Variants in CEP85L observed in about 807,000 individuals in gnomAD.
CEP85L encodes the protein centrosomal protein 85L.
CEP85L carries 60 observed loss-of-function variants against 100.3 expected under a neutral mutation model. The observed-to-expected ratio is 0.60, with a 90% CI of 0.49 to 0.74. The LOEUF (loss-of-function observed/expected upper bound fraction) is 0.74, where lower values mean the gene tolerates loss of function less well. Among genes scored for constraint, CEP85L ranks in the 30% least tolerant of loss-of-function variants. The pLI is 0.00. For missense variants in CEP85L, 973 were observed against 936.2 expected, an observed-to-expected ratio of 1.04 and a Z score of -0.51; for synonymous variants, 319 against 322.7, an observed-to-expected ratio of 0.99 and a Z score of 0.12.
In CEP85L at chr6:118,609,162, G is replaced by A. The variant is rs150394460; in HGVS notation, c.232+23291C>T. ...GATCAGTTTATTTAAAAGCCTGTGT[G>A]TATGTGACTAAATGAACAGCAAAAG... On this transcript the variant is annotated intron_variant, in intron 2 of 12. Transcript: ENST00000368491. Among the ~76,000 whole-genome samples, 510 of 152,262 alleles carry A rather than the reference G, an allele frequency of 3.3e-3. 4 individuals carry two copies. Among genetic ancestry groups the A allele is most frequent in the African/African-American group, 0.012 (493 of 41,556 alleles).
At chr6:118,597,527 T>C (rs1167448086) in intron 2 of CEP85L, among the ~76,000 whole-genome samples, 2 of 152,166 alleles carry the variant, frequency 1.3e-5, no homozygotes, top group Non-Finnish European at 2.9e-5. Flanking sequence ...AAAATCATAC[T>C]CTCCCATCTC....
At chr6:118,493,162 T>C (rs1158683371) in intron 5 of CEP85L, among the ~76,000 whole-genome samples, 1 of 152,134 alleles carries the variant, frequency 6.6e-6, no homozygotes, top group Non-Finnish European at 1.5e-5. Flanking sequence ...TTGAGACAGA[T>C]TTTGAAAAAC....
chr6:118,522,286 G>C (rs528647167), intron 4 of CEP85L, among the ~76,000 whole-genome samples: 1 of 152,286 alleles, frequency 6.6e-6, no homozygotes, highest in Admixed American at 6.5e-5. Context: ...CTTGAACCCA[G>C]AAGGTGGAGG....
intron 4 of CEP85L, among the ~76,000 whole-genome samples, chr6:118,521,132 C>A (rs1457545991): frequency 2.0e-5 from 3 of 152,256 alleles, no homozygotes; most frequent in Admixed American, 6.5e-5. Context: ...CACCATATCC[C>A]AAACTAAAAA....
intron 2 of CEP85L, among the ~76,000 whole-genome samples, chr6:118,578,245 C>A (rs911122519): frequency 1.3e-5 from 2 of 152,146 alleles, no homozygotes; most frequent in African/African-American, 4.8e-5. Context: ...TCCAAACACC[C>A]CTTAAACTTA....
intron 1 of CEP85L, among the ~76,000 whole-genome samples, chr6:118,703,873 T>C (rs1777509193): frequency 6.6e-6 from 1 of 152,246 alleles, no homozygotes; most frequent in Non-Finnish European, 1.5e-5. Flanking sequence ...ATTATTAATA[T>C]GTACATCATA....
chr6:118,686,973 C>T (rs1248167437), intron 1 of CEP85L, among the ~76,000 whole-genome samples: 1 of 152,168 alleles, frequency 6.6e-6, no homozygotes, highest in Non-Finnish European at 1.5e-5. Context: ...CCTCAGCTGA[C>T]ATGTTTCACT....
rs1011880376 is a variant in CEP85L, at chr6:118,465,499, T to C, written c.2324A>G (p.Asp775Gly). 8.1e-6 allele frequency: 13 copies of C among 1,613,570 alleles called. No homozygotes were observed. The highest frequency in any genetic ancestry group is 6.7e-5 in the African/African-American group (5 of 74,920). The change falls in exon 13 of 13, where the codon GAT becomes GGT. Residue 775 changes from aspartate to glycine, a missense_variant. Asp to Gly is a moderately conservative substitution (Grantham distance 94). Coordinates refer to ENST00000368491, the MANE Select transcript of CEP85L (RefSeq NM_001042475.3). ...STETLTKKLS[D>G]VCQLRRDIDE... is the part of the protein sequence containing the mutation. Reference sequence around the variant, plus strand: ...AATGTCTCTTCGTAACTGGCACACATCTGACAGCTTTTTAGTGAGTGTTTC... The same window carrying C: ...AATGTCTCTTCGTAACTGGCACACACCTGACAGCTTTTTAGTGAGTGTTTC...
intron 5 of CEP85L, chr6:118,502,513 C>A: frequency 4.0e-6 from 2 of 501,118 alleles, no homozygotes; most frequent in Non-Finnish European, 3.8e-6. Context: ...GTAGAGCCAG[C>A]AGGACATTTG....
intron 1 of CEP85L, among the ~76,000 whole-genome samples, chr6:118,683,690 A>G (rs1348896292): frequency 6.6e-6 from 1 of 152,210 alleles, no homozygotes; most frequent in Non-Finnish European, 1.5e-5. Context: ...TAATATGTCT[A>G]CTACAGCTAC....
Position 118,602,603 on chromosome 6 carries a change from T to C in CEP85L, c.232+29850A>G, listed in dbSNP as rs1781841180. Among the ~76,000 whole-genome samples the C allele has an allele frequency of 2.6e-5, 4 of 152,202 alleles. No homozygotes were observed. The South Asian group carries it at 8.3e-4, about 31-fold the overall frequency. On this transcript the variant is annotated intron_variant, in intron 2 of 12. Coordinates refer to ENST00000368491, the MANE Select transcript of CEP85L (RefSeq NM_001042475.3). ...CAAACTTAAAAACAATTAATGAGAC[T>C]AGAATTTAACAACAAGTGTACCATA...
chr6:118,623,994 C>T (rs774957888), intron 2 of CEP85L, among the ~76,000 whole-genome samples: 3 of 152,168 alleles, frequency 2.0e-5, no homozygotes, highest in South Asian at 2.1e-4. Flanking sequence ...CCTGGATTCA[C>T]CACACCCGAG....
intron 8 of CEP85L, among the ~76,000 whole-genome samples, chr6:118,480,865 G>A (rs923688421): frequency 6.6e-6 from 1 of 152,068 alleles, no homozygotes; most frequent in African/African-American, 2.4e-5. Context: ...AGGGTTCCTT[G>A]ATTAAGATGA....
intron 2 of CEP85L, among the ~76,000 whole-genome samples, chr6:118,598,601 T>C (rs116001738): frequency 0.016 from 2,453 of 152,222 alleles, 64 homozygotes; most frequent in African/African-American, 0.057. Flanking sequence ...ATGAATAATA[T>C]ACTAAGGACT....
intron 7 of CEP85L, 57 bp downstream of exon 7, chr6:118,483,649 G>C (rs1010624305): frequency 1.3e-6 from 2 of 1,516,720 alleles, no homozygotes; most frequent in African/African-American, 1.4e-5. Context: ...CAAATTTCTA[G>C]AGTCAAGTTA....
intron 1 of CEP85L, among the ~76,000 whole-genome samples, chr6:118,682,562 G>A (rs897865859): frequency 3.0e-4 from 46 of 152,088 alleles, no homozygotes; most frequent in African/African-American, 9.9e-4. Flanking sequence ...TTTAAAGAAG[G>A]AATGCTTCAC....
chr6:118,522,673 T>C (rs1385161006), intron 4 of CEP85L, among the ~76,000 whole-genome samples: 1 of 150,914 alleles, frequency 6.6e-6, no homozygotes, highest in African/African-American at 2.4e-5. Flanking sequence ...AGGCCAGGAG[T>C]TCAAGACAAT....
At chr6:118,540,151 T>C (rs1777827156) in intron 3 of CEP85L, among the ~76,000 whole-genome samples, 3 of 151,962 alleles carry the variant, frequency 2.0e-5, no homozygotes, top group Admixed American at 1.3e-4. Context: ...CCTAGGGATA[T>C]TTATCAGCCT....
chr6:118,524,425 CAG>C (rs1776849375), intron 3 of CEP85L, among the ~76,000 whole-genome samples: 2 of 151,920 alleles, frequency 1.3e-5, no homozygotes, highest in South Asian at 4.2e-4. Flanking sequence ...GCCTGGGTGA[CAG>C]AGCAAGACTC....
Sources: gnomAD v4.1 joint callset for allele counts (sites outside exome capture counted in the v4.1 genomes callset) on GRCh38, gnomAD v4.1.1 for gene constraint, MANE v1.5 for transcripts, NCBI Gene and HGNC (gene_info 2026-07-23, HGNC 2026-07-21) for gene names.